The following LCOR variants were observed in gnomAD, a reference collection of about 807,000 sequenced individuals.
The protein encoded by LCOR is ligand-dependent corepressor.
Under a neutral mutation model 64.4 loss-of-function variants are expected in LCOR, and 14 were observed. The ratio of observed to expected loss-of-function variants is 0.22; its 90% CI spans 0.14 to 0.34. LCOR has a LOEUF of 0.34. LCOR is among the 10% of genes least tolerant of loss of function. The probability of loss-of-function intolerance (pLI) is 1.00; values close to 1 mark genes in which losing one functional copy is unlikely to be tolerated. For synonymous variants in LCOR, 643 were observed against 642.5 expected (o/e 1.00, Z -0.01); for missense variants, 1,686 against 1,765.3 (o/e 0.96, Z 0.80).
At chr10:96,956,139 G>A in intron 7 of LCOR, 1 of 1,357,940 alleles carries the variant, frequency 7.4e-7, no homozygotes, top group Non-Finnish European at 9.5e-7. Flanking sequence ...TTGGCCTTTT[G>A]CATGTTTCTC....
intron 2 of LCOR, among the ~76,000 whole-genome samples, chr10:96,868,249 G>T (rs1462200400): frequency 6.6e-6 from 1 of 151,362 alleles, no homozygotes; most frequent in Non-Finnish European, 1.5e-5. Context: ...GCCATAAGGA[G>T]TGATTACTTT....
intron 4 of LCOR, among the ~76,000 whole-genome samples, chr10:96,919,026 T>C (rs1847003658): frequency 6.6e-6 from 1 of 152,210 alleles, no homozygotes; most frequent in South Asian, 2.1e-4. Context: ...AGTCTAGATA[T>C]TAAACAAAAT....
intron 2 of LCOR, among the ~76,000 whole-genome samples, chr10:96,875,096 C>A (rs1212579041): frequency 2.0e-5 from 3 of 151,138 alleles, no homozygotes; most frequent in Non-Finnish European, 4.4e-5. Context: ...AATATCTAGT[C>A]TAAAATGGCC....
chr10:96,921,224 A>T (rs1847075956), intron 4 of LCOR, among the ~76,000 whole-genome samples: 1 of 152,062 alleles, frequency 6.6e-6, no homozygotes, highest in South Asian at 2.1e-4. Flanking sequence ...GTGTCCTTTG[A>T]TGCACAAAAT....
In LCOR at chr10:96,993,991, T is replaced by C. The variant is rs1848222654; in HGVS notation, c.*8857T>C. On this transcript the variant is annotated 3_prime_UTR_variant, in exon 8 of 8. Coordinates refer to ENST00000421806, the MANE Select transcript of LCOR (RefSeq NM_001346516.2). The stretch of plus-strand genomic sequence containing the variant: ...TGCTGGAGAGGTTGCTGTACTTGAA[T>C]TTTTGCTTCTGTTTGTCTGCACGCT... The C allele has an allele frequency of 6.6e-6, 1 of 152,090 alleles. No homozygotes were observed. The highest frequency in any genetic ancestry group is 1.5e-5 in the Non-Finnish European group (1 of 68,026). 9.4% of individuals were successfully genotyped at this position (152,090 alleles called of 1,614,324 possible).
At chr10:96,944,052 T>C (rs1440506672) in intron 4 of LCOR, 61 bp from the exon 5 acceptor site, 1 of 972,072 alleles carries the variant, frequency 1.0e-6, no homozygotes, top group East Asian at 1.1e-4. Context: ...ATTTCGTCTA[T>C]GCTTTTGTTA....
intron 7 of LCOR, among the ~76,000 whole-genome samples, chr10:96,975,469 C>T (rs1848030665): frequency 6.6e-6 from 1 of 151,826 alleles, no homozygotes; most frequent in Non-Finnish European, 1.5e-5. Context: ...CAGAGCTCTT[C>T]AGAAACATAC....
At chr10:96,848,612 C>T (rs1371532310) in intron 2 of LCOR, among the ~76,000 whole-genome samples, 2 of 152,150 alleles carry the variant, frequency 1.3e-5, no homozygotes, top group East Asian at 1.9e-4. Context: ...GAGCTGAGAT[C>T]GCGCCATTGC....
At chr10:96,909,272 C>T (rs1846787230) in intron 4 of LCOR, among the ~76,000 whole-genome samples, 1 of 152,182 alleles carries the variant, frequency 6.6e-6, no homozygotes, top group Admixed American at 6.5e-5. Flanking sequence ...AACAGTGCCT[C>T]AGTACCCTCC....
intron 4 of LCOR, among the ~76,000 whole-genome samples, chr10:96,920,729 CATATATATGTGTATATATGTAT>C (rs1564626460): frequency 1.0e-4 from 8 of 78,684 alleles, no homozygotes; most frequent in Admixed American, 3.9e-4. Context: ...TATATATGTT[CATATATATGTGTATATATGTAT>C]ACACACACAC....
At chr10:96,889,493 A>G (rs368371483) in intron 2 of LCOR, among the ~76,000 whole-genome samples, 4 of 152,084 alleles carry the variant, frequency 2.6e-5, no homozygotes, top group Admixed American at 2.0e-4. Context: ...TTAACCCCAC[A>G]CAGCCGTTTC....
At chr10:96,948,420 C>G (rs1171834782) in intron 5 of LCOR, among the ~76,000 whole-genome samples, 1 of 152,174 alleles carries the variant, frequency 6.6e-6, no homozygotes, top group Non-Finnish European at 1.5e-5. Flanking sequence ...ATCAGAAACT[C>G]TGGGGAGAGA....
At chr10:96,867,769 A>G (rs1845998638) in intron 2 of LCOR, among the ~76,000 whole-genome samples, 2 of 152,132 alleles carry the variant, frequency 1.3e-5, no homozygotes, top group African/African-American at 4.8e-5. Flanking sequence ...TCTACTTAAT[A>G]TGTAAAAATC....
rs1258857223 is a variant in LCOR, at chr10:96,981,947, C to A, written c.1487C>A (p.Thr496Lys). The change falls in exon 8 of 8, where the codon ACA (threonine) becomes AAA (lysine). Residue 496 changes from threonine to lysine, a missense_variant. Thr to Lys is a moderately conservative substitution (Grantham distance 78). This residue lies in a region of LCOR where 1,293 missense variants were observed against 1,410.4 expected (regional missense o/e 0.92). Transcript: ENST00000421806. The stretch of plus-strand genomic sequence containing the variant: ...AAATCAATATTATCTTCTCGGAAAA[C>A]AGCCAGAAAGAGTACTCGAGGATAC... ...NQKSILSSRK[T>K]ARKSTRGYFF... 6.2e-7 allele frequency: 1 copy of A among 1,614,036 alleles called. No individual in the cohort carries two copies. The highest frequency in any genetic ancestry group is 8.5e-7 in the Non-Finnish European group (1 of 1,180,058).
At chr10:96,943,688 T>A (rs1258277041) in intron 4 of LCOR, among the ~76,000 whole-genome samples, 1 of 152,020 alleles carries the variant, frequency 6.6e-6, no homozygotes, top group African/African-American at 2.4e-5. Flanking sequence ...ATCTCATACT[T>A]GGAAAGCAAA....
Position 96,982,325 on chromosome 10 carries a change from C to G in LCOR, c.1865C>G (p.Ala622Gly), listed in dbSNP as rs771013555. 1.4e-5 allele frequency: 22 copies of G among 1,614,096 alleles called. No individual in the cohort carries two copies. The highest frequency in any genetic ancestry group is 1.8e-5 in the Non-Finnish European group (21 of 1,180,044). Residue 622 changes from alanine to glycine, a missense_variant, in exon 8 of 8, where the codon GCT becomes GGT. Physicochemically the swap from Ala to Gly is moderately conservative, Grantham distance 60. This residue lies in a region of LCOR where 1,293 missense variants were observed against 1,410.4 expected (regional missense o/e 0.92). Transcript: ENST00000421806. ...TCCAGCCTGGTGTGGCCTCTCCCTGCTCACCTTCCTGAAGAGGACCTGCCA... is the reference window on the plus strand; with the variant it reads ...TCCAGCCTGGTGTGGCCTCTCCCTGGTCACCTTCCTGAAGAGGACCTGCCA... The part of the protein sequence containing the change: ...TASSLVWPLP[A>G]HLPEEDLPEG...
intron 7 of LCOR, among the ~76,000 whole-genome samples, chr10:96,973,368 A>G (rs934273549): frequency 3.3e-5 from 5 of 152,344 alleles, no homozygotes; most frequent in African/African-American, 1.2e-4. Flanking sequence ...TGTCTACACA[A>G]CTTTGTCATA....
At chr10:96,913,956 G>A (rs1389951776) in intron 4 of LCOR, among the ~76,000 whole-genome samples, 1 of 151,840 alleles carries the variant, frequency 6.6e-6, no homozygotes, top group Non-Finnish European at 1.5e-5. Context: ...GAATATATAA[G>A]TCTGGATGAG....
At chr10:96,867,281 C>G (rs960159401) in intron 2 of LCOR, among the ~76,000 whole-genome samples, 5 of 152,224 alleles carry the variant, frequency 3.3e-5, no homozygotes, top group African/African-American at 1.2e-4. Flanking sequence ...GCGTGAGCCA[C>G]TGTGCCCGGA....
Sources: allele counts gnomAD v4.1 joint callset (sites outside exome capture counted in the v4.1 genomes callset), GRCh38; gene constraint gnomAD v4.1.1; regional missense constraint gnomAD v4.1.1; transcripts MANE v1.5; gene names NCBI Gene and HGNC (gene_info 2026-07-23, HGNC 2026-07-21).